The following CACNA2D2 variants were observed in gnomAD, a reference collection of about 807,000 sequenced individuals.
CACNA2D2 encodes the protein voltage-dependent calcium channel subunit alpha-2/delta-2.
A neutral mutation model predicts 166.4 loss-of-function variants in CACNA2D2; 48 were observed. The observed-to-expected ratio is 0.29, with a 90% CI of 0.23 to 0.37. CACNA2D2 has a LOEUF of 0.37. CACNA2D2 is among the 10% of genes least tolerant of loss of function. CACNA2D2 has a pLI of 1.00. For synonymous variants in CACNA2D2, 561 were observed against 573.7 expected (o/e 0.98, Z 0.32); for missense variants, 1,122 against 1,433.0 (o/e 0.78, Z 3.50).
chr3:50,380,739 C>T lies in CACNA2D2; in HGVS notation c.842+9G>A. On this transcript the variant is annotated intron_variant, in intron 8 of 37. Coordinates refer to ENST00000424201, the MANE Select transcript of CACNA2D2 (RefSeq NM_006030.4). The surrounding 1 kb of genome is among the most constrained non-coding windows in gnomAD (Gnocchi z 4.9). ...GGTGTCCCTCCCCAGCCCCTTCTTG[C>T]TCGCTCACCAGGGTCTCCTTCGGAC... The T allele has an allele frequency of 1.3e-6, 2 of 1,522,688 alleles. No homozygotes were observed. The highest frequency in any genetic ancestry group is 8.8e-7 in the Non-Finnish European group (1 of 1,134,676). The allele number at this position is 1,522,688 out of a possible 1,614,324, so 94.3% of individuals were successfully genotyped here.
chr3:50,380,018 C>A lies in CACNA2D2; in HGVS notation c.843G>T (p.Trp281Cys). The A allele has an allele frequency of 6.2e-7, 1 of 1,614,086 alleles. No homozygotes were observed. The highest frequency in any genetic ancestry group is 1.3e-5 in the African/African-American group (1 of 75,068). The change falls in exon 9 of 38, where the codon TGG (tryptophan) becomes TGT (cysteine). Residue 281 changes from tryptophan to cysteine, a missense_variant and splice_region_variant. Trp to Cys is a radical substitution (Grantham distance 215). This residue lies in a region of CACNA2D2 where 840 missense variants were observed against 1,166.8 expected (regional missense o/e 0.72). Transcript: ENST00000424201. This position sits in a 1 kb window ranked among gnomAD's most constrained non-coding sequence, Gnocchi z 4.9. ...TGGGTGACGAGGCCCCCTGGATATA[C>A]CTGCCCAGGAGATGCCTCTGTTAGG... The part of the protein sequence containing the change: ...IDLYDVRRRP[W>C]YIQGASSPKD...
chr3:50,462,827 C>T (rs1480487463), intron 2 of CACNA2D2, among the ~76,000 whole-genome samples: 3 of 151,658 alleles, frequency 2.0e-5, no homozygotes, highest in East Asian at 1.9e-4. Flanking sequence ...TTACACCAGG[C>T]GCCTGTGTAA....
In CACNA2D2 at chr3:50,367,961, C is replaced by G. The variant is rs1704438913; in HGVS notation, c.2144-59G>C. ...ATCTTCTTGCAGCTCCTTGCCCACC[C>G]TCACCCCCACCCTTAAGGCTCCACC... is the stretch of plus-strand genomic sequence containing the variant. On this transcript the variant is annotated intron_variant, in intron 24 of 37. Coordinates refer to ENST00000424201, the MANE Select transcript of CACNA2D2 (RefSeq NM_006030.4). This position sits in a 1 kb window ranked among gnomAD's most constrained non-coding sequence, Gnocchi z 6.5. 1.5e-6 allele frequency: 2 copies of G among 1,330,630 alleles called. No homozygotes were observed. Among genetic ancestry groups the G allele is most frequent in the African/African-American group, 1.4e-5 (1 of 68,986 alleles). The allele number at this position is 1,330,630 out of a possible 1,614,324, so 82.4% of individuals were successfully genotyped here. A position where few individuals can be genotyped will look rare whatever the true frequency, so the allele number is the denominator to read the frequency against.
intron 23 of CACNA2D2, among the ~76,000 whole-genome samples, chr3:50,369,904 G>A (rs1029570640): frequency 3.9e-5 from 6 of 152,080 alleles, no homozygotes; most frequent in South Asian, 2.1e-4. Context: ...AGACCCACAC[G>A]AACACCGACT....
chr3:50,501,264 T>C (rs1222729597), intron 1 of CACNA2D2, among the ~76,000 whole-genome samples: 6 of 152,170 alleles, frequency 3.9e-5, no homozygotes, highest in African/African-American at 1.4e-4. Context: ...CAAGGATCAA[T>C]GTGCATCCTC....
intron 1 of CACNA2D2, among the ~76,000 whole-genome samples, chr3:50,492,938 T>C (rs1698577938): frequency 6.6e-6 from 1 of 152,202 alleles, no homozygotes; most frequent in South Asian, 2.1e-4. Flanking sequence ...GATTTTATCA[T>C]TTAGCCTGGC....
intron 1 of CACNA2D2, among the ~76,000 whole-genome samples, chr3:50,476,509 C>T (rs1252844113): frequency 6.6e-6 from 1 of 152,152 alleles, no homozygotes; most frequent in Admixed American, 6.5e-5. Context: ...AAGAGCCAGC[C>T]CTTGATGTAG....
chr3:50,402,476 G>A (rs192510400), intron 3 of CACNA2D2, among the ~76,000 whole-genome samples: 5 of 152,314 alleles, frequency 3.3e-5, no homozygotes, highest in Non-Finnish European at 7.4e-5. Flanking sequence ...TTGAGCACTT[G>A]CAAGAGATGC....
At chr3:50,377,986 C>T (rs1575600700) in intron 15 of CACNA2D2, 22 bp downstream of exon 15, 1 of 1,610,892 alleles carries the variant, frequency 6.2e-7, no homozygotes, top group Non-Finnish European at 8.5e-7. Flanking sequence ...AGCCCCACCC[C>T]TTCCTTGTCC....
At chr3:50,458,483 G>T (rs995982836) in intron 2 of CACNA2D2, among the ~76,000 whole-genome samples, 1 of 152,162 alleles carries the variant, frequency 6.6e-6, no homozygotes, top group South Asian at 2.1e-4. Context: ...TGAGAGGGTG[G>T]TAAGAGACCA....
At chr3:50,463,856 G>C (rs987458937) in intron 2 of CACNA2D2, among the ~76,000 whole-genome samples, 1 of 152,264 alleles carries the variant, frequency 6.6e-6, no homozygotes, top group Admixed American at 6.5e-5. Context: ...GGACCCTCAT[G>C]TGAGCCTGCA....
At chr3:50,502,293 G>C (rs1699004935) in intron 1 of CACNA2D2, among the ~76,000 whole-genome samples, 1 of 152,224 alleles carries the variant, frequency 6.6e-6, no homozygotes, top group South Asian at 2.1e-4. Flanking sequence ...ACAGAAGCAA[G>C]GTGGTCACCG....
intron 6 of CACNA2D2, among the ~76,000 whole-genome samples, chr3:50,381,981 T>TAC (rs34662551): frequency 0.12 from 16,261 of 133,260 alleles, 1,213 homozygotes; most frequent in East Asian, 0.29. Context: ...GATCTATCCC[T>TAC]ACACACACAC....
intron 2 of CACNA2D2, among the ~76,000 whole-genome samples, chr3:50,456,324 G>A (rs951720349): frequency 2.0e-5 from 3 of 152,240 alleles, no homozygotes; most frequent in African/African-American, 7.2e-5. Flanking sequence ...GGCTGGTAGA[G>A]TGGGGGAGGG....
chr3:50,458,199 G>A (rs558122671), intron 2 of CACNA2D2, among the ~76,000 whole-genome samples: 1 of 152,366 alleles, frequency 6.6e-6, no homozygotes, highest in African/African-American at 2.4e-5. Context: ...AGGCCTGCCA[G>A]GGCTTCCCAC....
At chr3:50,452,558 C>G (rs142774456) in intron 2 of CACNA2D2, among the ~76,000 whole-genome samples, 1,581 of 152,304 alleles carry the variant, frequency 0.01, 15 homozygotes, top group Non-Finnish European at 0.018. Flanking sequence ...AGGTGTCAGA[C>G]AGGCTCAGGG....
At chr3:50,421,001 C>T (rs1459005247) in intron 3 of CACNA2D2, among the ~76,000 whole-genome samples, 2 of 152,194 alleles carry the variant, frequency 1.3e-5, no homozygotes. Flanking sequence ...CTGTGCCATC[C>T]CTTCCCCTGG....
At position 50,445,597 on chromosome 3, in the gene CACNA2D2, TAAAC is replaced by T. The variant is rs901163589; in HGVS notation, c.289-11172_289-11169del. Among the ~76,000 whole-genome samples, 9 of 152,122 alleles carry T rather than the reference TAAAC, an allele frequency of 5.9e-5. No individual in the cohort carries two copies. The South Asian group carries it at 1.2e-3, about 21-fold the overall frequency. ...AGAACAAGTCGGAAGCATAAATAAA[TAAAC>T]AAACAGGACCAAGACACTAAGGCTG... On this transcript the variant is annotated intron_variant, in intron 2 of 37. Transcript: ENST00000424201.
rs587619279 is a variant in CACNA2D2, at chr3:50,386,189, C to G, written c.510+1379G>C. Among the ~76,000 whole-genome samples the G allele has an allele frequency of 3.2e-4, 49 of 152,284 alleles. 1 individual carries two copies. In the South Asian group the frequency reaches 9.5e-3, roughly 30 times the overall value. On this transcript the variant is annotated intron_variant, in intron 5 of 37. Coordinates refer to ENST00000424201, the MANE Select transcript of CACNA2D2 (RefSeq NM_006030.4). ...TCTTTTCGGGCAATCTCTAGCCCCC[C>G]AACAGAAGTCCAAGGGGCTACGGGC...
Sources: allele counts gnomAD v4.1 joint callset (sites outside exome capture counted in the v4.1 genomes callset), GRCh38; gene constraint gnomAD v4.1.1; regional missense constraint gnomAD v4.1.1; non-coding constraint Gnocchi (gnomAD v3.1); transcripts MANE v1.5; gene names NCBI Gene and HGNC (gene_info 2026-07-23, HGNC 2026-07-21).